Variants in DUSP14 observed in about 807,000 individuals in gnomAD.
The protein encoded by DUSP14 is dual specificity phosphatase 14.
A neutral mutation model predicts 13.2 loss-of-function variants in DUSP14; 5 were observed. That is an observed-to-expected ratio of 0.38 (90% CI 0.20 to 0.80). The LOEUF is 0.80. Among genes scored for constraint, DUSP14 ranks in the 30% least tolerant of loss-of-function variants. The pLI, the probability that DUSP14 is intolerant of heterozygous loss-of-function variation, is 0.44. For synonymous variants in DUSP14, 91 were observed against 103.4 expected (o/e 0.88, Z 0.73); for missense variants, 185 against 264.0 (o/e 0.70, Z 2.07).
At chr17:37,494,709 A>G (rs1306256139) in intron 1 of DUSP14, among the ~76,000 whole-genome samples, 1 of 152,196 alleles carries the variant, frequency 6.6e-6, no homozygotes, top group Admixed American at 6.5e-5. Flanking sequence ...AGTACTTACC[A>G]TGTGCCTAGT....
chr17:37,494,657 G>T (rs907571254), intron 1 of DUSP14, among the ~76,000 whole-genome samples: 1 of 152,230 alleles, frequency 6.6e-6, no homozygotes, highest in Admixed American at 6.5e-5. Flanking sequence ...GGAGAGGTGG[G>T]CAGTTCACCT....
At chr17:37,509,492 G>C (rs1306097479) in intron 1 of DUSP14, among the ~76,000 whole-genome samples, 2 of 150,750 alleles carry the variant, frequency 1.3e-5, no homozygotes, top group African/African-American at 4.9e-5. Context: ...GGATAATTTT[G>C]GTATTTTTAG....
chr17:37,498,677 T>G (rs1199891888), intron 1 of DUSP14, among the ~76,000 whole-genome samples: 2 of 16,218 alleles, frequency 1.2e-4, no homozygotes, highest in African/African-American at 2.1e-4. Context: ...AAGTAATCAG[T>G]TTTTTTTTTT....
intron 1 of DUSP14, among the ~76,000 whole-genome samples, chr17:37,505,157 G>T (rs2054129946): frequency 2.0e-5 from 3 of 152,164 alleles, no homozygotes; most frequent in Non-Finnish European, 4.4e-5. Context: ...GCCCAGGCTG[G>T]TCACCAACTC....
upstream of DUSP14, chr17:37,489,710 C>T (rs1344280702): frequency 6.6e-6 from 1 of 151,620 alleles, no homozygotes; most frequent in Non-Finnish European, 1.5e-5. Context: ...CGCGCCCGGA[C>T]CACACCGCAC....
chr17:37,493,491 A>T (rs2054042576), intron 1 of DUSP14, among the ~76,000 whole-genome samples: 1 of 152,170 alleles, frequency 6.6e-6, no homozygotes, highest in Non-Finnish European at 1.5e-5. Flanking sequence ...GTTTAACCAC[A>T]ATTATGCTTG....
intron 2 of DUSP14, among the ~76,000 whole-genome samples, chr17:37,511,937 A>C (rs965207242): frequency 0.067 from 1,065 of 16,012 alleles, 3 homozygotes; most frequent in Middle Eastern, 0.22. Context: ...CCCCCACCCC[A>C]CTTTTTTTTT....
intron 1 of DUSP14, among the ~76,000 whole-genome samples, chr17:37,494,069 C>T (rs576858747): frequency 1.3e-5 from 2 of 151,536 alleles, no homozygotes; most frequent in African/African-American, 4.9e-5. Flanking sequence ...TCTCGGCTCA[C>T]TGCAAGCTCC....
At position 37,497,992 on chromosome 17, in the gene DUSP14, G is replaced by A. The variant is rs1423169263; in HGVS notation, c.-181+8034G>A. Among the ~76,000 whole-genome samples the A allele has an allele frequency of 2.0e-5, 3 of 151,342 alleles. No individual in the cohort carries two copies. In the East Asian group the frequency reaches 5.9e-4, roughly 30 times the overall value. ...GTCCCAGAGGTTGAGGCTGCAGTGA[G>A]CCTAGATTGCACCACTGCACTCCAG... On this transcript the variant is annotated intron_variant, in intron 1 of 2. Coordinates refer to ENST00000617516, the MANE Select transcript of DUSP14 (RefSeq NM_007026.4).
At chr17:37,490,739 C>A (rs2054022279) in intron 1 of DUSP14, among the ~76,000 whole-genome samples, 1 of 152,000 alleles carries the variant, frequency 6.6e-6, no homozygotes, top group Non-Finnish European at 1.5e-5. Flanking sequence ...TTCTATCCAG[C>A]AGGACCTCCG....
At chr17:37,504,735 G>A (rs2054126901) in intron 1 of DUSP14, among the ~76,000 whole-genome samples, 1 of 152,006 alleles carries the variant, frequency 6.6e-6, no homozygotes. Context: ...ATGAAACCAT[G>A]CCCGGCTAAT....
At chr17:37,493,284 A>G (rs1317057544) in intron 1 of DUSP14, among the ~76,000 whole-genome samples, 2 of 152,206 alleles carry the variant, frequency 1.3e-5, no homozygotes, top group Non-Finnish European at 2.9e-5. Flanking sequence ...TTTTTGTCTT[A>G]TGAACATACC....
At chr17:37,505,958 G>A (rs1262943278) in intron 1 of DUSP14, among the ~76,000 whole-genome samples, 1 of 152,112 alleles carries the variant, frequency 6.6e-6, no homozygotes, top group Non-Finnish European at 1.5e-5. Flanking sequence ...CATCGTCTCT[G>A]AGAAGATGTT....
At chr17:37,496,628 C>T (rs192364895) in intron 1 of DUSP14, among the ~76,000 whole-genome samples, 3 of 152,182 alleles carry the variant, frequency 2.0e-5, no homozygotes, top group African/African-American at 7.2e-5. Flanking sequence ...GTCGTGGGCC[C>T]CTGTAATCCC....
rs1041714016 is a variant in DUSP14 at position 37,513,435 on chromosome 17, CTT to C, written c.*567_*568del. On this transcript the variant is annotated 3_prime_UTR_variant, in exon 3 of 3. Coordinates refer to ENST00000617516, the MANE Select transcript of DUSP14 (RefSeq NM_007026.4). ...TAATGAAATCTGCTGCAAAATCTCTCTTGGAATCCATGTGCCCAGGATTATAT... is the reference window on the plus strand; with the variant it reads ...TAATGAAATCTGCTGCAAAATCTCTCGGAATCCATGTGCCCAGGATTATAT... The C allele has an allele frequency of 6.0e-6, 1 of 167,350 alleles. No homozygotes were observed. The highest frequency in any genetic ancestry group is 1.5e-5 in the Non-Finnish European group (1 of 68,326). The allele number at this position is 167,350 out of a possible 1,614,324, so 10.4% of individuals were successfully genotyped here.
chr17:37,498,475 C>T (rs924024497), intron 1 of DUSP14, among the ~76,000 whole-genome samples: 15 of 151,728 alleles, frequency 9.9e-5, no homozygotes, highest in African/African-American at 2.2e-4. Flanking sequence ...TACAGGTGCC[C>T]GCCACCACAC....
Position 37,512,572 on chromosome 17 carries a change from G to A in DUSP14, c.300G>A (p.Val100=). Residue 100 remains valine (V), a synonymous_variant, in exon 3 of 3, where the codon GTG becomes GTA. Transcript: ENST00000617516. This position sits in a 1 kb window ranked among gnomAD's most constrained non-coding sequence, Gnocchi z 4.8. ...FDTVADKIHS[V]SRKHGATLVH... is the part of the protein sequence containing the mutation. ...CCGTGGCTGACAAGATCCACAGTGT[G>A]AGCAGGAAGCACGGGGCCACCTTGG... is the stretch of plus-strand genomic sequence containing the variant. 1.2e-6 allele frequency: 2 copies of A among 1,614,196 alleles called. No individual in the cohort carries two copies. The highest frequency in any genetic ancestry group is 1.7e-6 in the Non-Finnish European group (2 of 1,180,026).
At chr17:37,495,883 C>A (rs2054061884) in intron 1 of DUSP14, among the ~76,000 whole-genome samples, 1 of 152,138 alleles carries the variant, frequency 6.6e-6, no homozygotes, top group Admixed American at 6.6e-5. Context: ...TGGTCTCGAT[C>A]TCATGACCTC....
rs1468470298 is a variant in DUSP14 at position 37,512,191 on chromosome 17, C to CT, written c.-81dup. 1 of 1,204,494 alleles carries CT rather than the reference C, an allele frequency of 8.3e-7. No individual in the cohort carries two copies. Among genetic ancestry groups the CT allele is most frequent in the East Asian group, 2.3e-5 (1 of 42,574 alleles). The allele number at this position is 1,204,494 out of a possible 1,614,324, so 74.6% of individuals were successfully genotyped here. A position where few individuals can be genotyped will look rare whatever the true frequency, so the allele number is the denominator to read the frequency against. Reference sequence around the variant, plus strand: ...ACCTGTATTTTGCAGGAAGGAGACTCTAATTTTGGATTCCTTGGTGGAGGA... The same window carrying CT: ...ACCTGTATTTTGCAGGAAGGAGACTCTTAATTTTGGATTCCTTGGTGGAGGA... On this transcript the variant is annotated 5_prime_UTR_variant, in exon 3 of 3. Coordinates refer to ENST00000617516, the MANE Select transcript of DUSP14 (RefSeq NM_007026.4). The surrounding 1 kb of genome is among the most constrained non-coding windows in gnomAD (Gnocchi z 4.8).
Sources: gnomAD v4.1 joint callset for allele counts (sites outside exome capture counted in the v4.1 genomes callset) on GRCh38, gnomAD v4.1.1 for gene constraint, Gnocchi (gnomAD v3.1) non-coding constraint, MANE v1.5 for transcripts, NCBI Gene and HGNC (gene_info 2026-07-23, HGNC 2026-07-21) for gene names.